Variants in GUF1 observed in about 807,000 individuals in gnomAD.
GUF1 encodes the protein translation factor GUF1, mitochondrial.
Under a neutral mutation model 82.4 loss-of-function variants are expected in GUF1, and 78 were observed. That is an observed-to-expected ratio of 0.95 (90% CI 0.79 to 1.14). The LOEUF (loss-of-function observed/expected upper bound fraction) is 1.14, where lower values mean the gene tolerates loss of function less well. GUF1 is among the 50% of genes most tolerant of loss of function. The pLI is 0.00. For synonymous variants in GUF1, 279 were observed against 282.3 expected (o/e 0.99, Z 0.12); for missense variants, 814 against 798.2 (o/e 1.02, Z -0.24).
intron 15 of GUF1, among the ~76,000 whole-genome samples, chr4:44,696,300 C>T (rs1405283069): frequency 4.6e-5 from 7 of 152,056 alleles, no homozygotes; most frequent in Non-Finnish European, 1.0e-4. Flanking sequence ...AAATGTAATA[C>T]ATAAATCAGA....
Position 44,699,526 on chromosome 4 carries a change from A to T in GUF1, c.*845A>T, listed in dbSNP as rs1716083442. ...CAATTTCCATGAATCTCAACAAGTGAGGACCTGCTATATTTTGTTGCATGC... is the reference window on the plus strand; with the variant it reads ...CAATTTCCATGAATCTCAACAAGTGTGGACCTGCTATATTTTGTTGCATGC... On this transcript the variant is annotated 3_prime_UTR_variant, in exon 17 of 17. Transcript: ENST00000281543. 1 of 152,214 alleles carries T rather than the reference A, an allele frequency of 6.6e-6. No individual in the cohort carries two copies. The highest frequency in any genetic ancestry group is 1.5e-5 in the Non-Finnish European group (1 of 68,056). The allele number at this position is 152,214 out of a possible 1,614,324, so 9.4% of individuals were successfully genotyped here. A position where few individuals can be genotyped will look rare whatever the true frequency, so the allele number is the denominator to read the frequency against.
rs976143386 is a variant in GUF1 at position 44,678,422 on chromosome 4, A to T, written c.-201A>T. 6.3e-6 allele frequency: 3 copies of T among 477,450 alleles called. No homozygotes were observed. Among genetic ancestry groups the T allele is most frequent in the Non-Finnish European group, 1.1e-5 (3 of 277,778 alleles). The allele number at this position is 477,450 out of a possible 1,614,324, so 29.6% of individuals were successfully genotyped here. A position where few individuals can be genotyped will look rare whatever the true frequency, so the allele number is the denominator to read the frequency against. ...TGTCACGACAGCGTGCGGCGTGCAGACGTCGGCAAGCTGCGCCGCCGCTTC... is the reference window on the plus strand; with the variant it reads ...TGTCACGACAGCGTGCGGCGTGCAGTCGTCGGCAAGCTGCGCCGCCGCTTC... On this transcript the variant is annotated 5_prime_UTR_variant, in exon 1 of 17. Coordinates refer to ENST00000281543, the MANE Select transcript of GUF1 (RefSeq NM_021927.3).
In GUF1 at chr4:44,700,410, T is replaced by C. The variant is rs1716149238; in HGVS notation, c.*1729T>C. On this transcript the variant is annotated 3_prime_UTR_variant, in exon 17 of 17. Transcript: ENST00000281543. ...CCTCTACTCTCCTCTCACATGTAAA[T>C]TGTATATTCAGTGAAAGGCTAATCA... 1 of 152,282 alleles carries C rather than the reference T, an allele frequency of 6.6e-6. No homozygotes were observed. The highest frequency in any genetic ancestry group is 2.4e-5 in the African/African-American group (1 of 41,564). 9.4% of individuals were successfully genotyped at this position (152,282 alleles called of 1,614,324 possible).
At chr4:44,696,857 T>A (rs1715858618) in intron 15 of GUF1, among the ~76,000 whole-genome samples, 1 of 152,174 alleles carries the variant, frequency 6.6e-6, no homozygotes, top group African/African-American at 2.4e-5. Context: ...AAAATTGGTT[T>A]TTCTGTCTTA....
In GUF1 at chr4:44,689,980, TTGGTATTTAGTAC is replaced by T. The variant is rs751306945; in HGVS notation, c.1335+21_1335+33del. ...TCATCATCAAAATTGATAAAGGTAC[TTGGTATTTAGTAC>T]TGGTATTTAGTACTGTTTTGCATTA... On this transcript the variant is annotated splice_donor_region_variant and intron_variant, in intron 11 of 16. Coordinates refer to ENST00000281543, the MANE Select transcript of GUF1 (RefSeq NM_021927.3). 5.9e-5 allele frequency: 93 copies of T among 1,568,694 alleles called. No individual in the cohort carries two copies. Among genetic ancestry groups the T allele is most frequent in the Non-Finnish European group, 7.3e-5 (84 of 1,152,348 alleles).
intron 13 of GUF1, among the ~76,000 whole-genome samples, chr4:44,693,030 C>T (rs1431762707): frequency 6.6e-6 from 1 of 151,906 alleles, no homozygotes; most frequent in Non-Finnish European, 1.5e-5. Flanking sequence ...TTTTGAACTA[C>T]ATAAAAATAA....
At chr4:44,681,419 G>C (rs753080894) in intron 4 of GUF1, among the ~76,000 whole-genome samples, 4 of 151,934 alleles carry the variant, frequency 2.6e-5, no homozygotes, top group Non-Finnish European at 5.9e-5. Context: ...AATTGGAATT[G>C]TTCAAAAGAT....
chr4:44,690,978 CATATATATATCTGTCT>C, intron 12 of GUF1, 118 bp downstream of exon 12: 1 of 612,150 alleles, frequency 1.6e-6, no homozygotes. Context: ...ATGAGATTTT[CATATATATATCTGTCT>C]ATATCTATAC....
chr4:44,679,630 T>C (rs186470495), intron 1 of GUF1, among the ~76,000 whole-genome samples: 11 of 152,308 alleles, frequency 7.2e-5, no homozygotes, highest in South Asian at 2.1e-4. Flanking sequence ...TAGTTTTTTT[T>C]CGGCAGACTT....
intron 1 of GUF1, among the ~76,000 whole-genome samples, chr4:44,679,013 A>G (rs1021750693): frequency 2.6e-5 from 4 of 152,118 alleles, no homozygotes; most frequent in African/African-American, 9.7e-5. Context: ...TCTCATTTTC[A>G]ATGTCAAATG....
chr4:44,687,863 A>C (rs941636271), intron 8 of GUF1, 144 bp from the exon 9 acceptor site: 2 of 631,906 alleles, frequency 3.2e-6, no homozygotes, highest in Non-Finnish European at 5.3e-6. Flanking sequence ...TCAGAGTTTG[A>C]TAATTGATAT....
rs1260978644 is a variant in GUF1, at chr4:44,682,389, C to T, written c.563C>T (p.Ser188Leu). The T allele has an allele frequency of 7.2e-6, 11 of 1,526,866 alleles. No individual in the cohort carries two copies. Among genetic ancestry groups the T allele is most frequent in the South Asian group, 3.9e-5 (3 of 77,238 alleles). 94.6% of individuals were successfully genotyped at this position (1,526,866 alleles called of 1,614,324 possible). Residue 188 changes from serine (S) to leucine (L), a missense_variant, in exon 5 of 17, where the codon TCG becomes TTG. Transcript: ENST00000281543. ...TTTCTTGCCTTCGAAGCACAGCTAT[C>T]GGTAATTCCAGTTATAAATAAGGTA... The part of the protein sequence containing the change: ...NFFLAFEAQL[S>L]VIPVINKIDL...
In GUF1 at chr4:44,691,683, G is replaced by T; in HGVS notation, c.1497G>T (p.Gln499His). Reference protein sequence around the residue: ...MMLCEARRAVQKNMIFIDQNR... With the variant: ...MMLCEARRAVHKNMIFIDQNR... The stretch of plus-strand genomic sequence containing the variant: ...CTTTTTAGGCTCGAAGAGCAGTTCA[G>T]AAGAATATGATATTTATTGATCAAA... The change falls in exon 13 of 17, where the codon CAG (glutamine) becomes CAT (histidine). Residue 499 changes from glutamine (Q) to histidine (H), a missense_variant. Physicochemically the swap from Gln to His is conservative, Grantham distance 24. Coordinates refer to ENST00000281543, the MANE Select transcript of GUF1 (RefSeq NM_021927.3). 2 of 1,591,576 alleles carry T rather than the reference G, an allele frequency of 1.3e-6. No individual in the cohort carries two copies. The highest frequency in any genetic ancestry group is 1.7e-6 in the Non-Finnish European group (2 of 1,167,366).
chr4:44,688,034 T>A lies in GUF1; in HGVS notation c.966T>A (p.Ile322=). The change falls in exon 9 of 17, where the codon ATT becomes ATA. Residue 322 remains isoleucine, a synonymous_variant. Transcript: ENST00000281543. ...ATGCAGGACAGGTGGGCTATCTGAT[T>A]GCTGGGATGAAAGATGTCACTGAAG... is the stretch of plus-strand genomic sequence containing the variant. ...KLYAGQVGYL[I]AGMKDVTEAQ... is the part of the protein sequence containing the mutation. 6.2e-7 allele frequency: 1 copy of A among 1,612,218 alleles called. No homozygotes were observed. The highest frequency in any genetic ancestry group is 8.5e-7 in the Non-Finnish European group (1 of 1,178,644).
intron 9 of GUF1, 91 bp downstream of exon 9, chr4:44,688,237 G>T: frequency 7.9e-7 from 1 of 1,266,282 alleles, no homozygotes; most frequent in Non-Finnish European, 1.1e-6. Context: ...ACACATTCTG[G>T]TTATTTTAAA....
Position 44,678,482 on chromosome 4 carries a change from C to T in GUF1, c.-141C>T. On this transcript the variant is annotated 5_prime_UTR_variant, in exon 1 of 17. Transcript: ENST00000281543. The stretch of plus-strand genomic sequence containing the variant: ...CCGGATCTGGTACTTGGGCAGAGCT[C>T]CCCGGGGTTCATTGTCTTCGCTTCA... 4.5e-6 allele frequency: 3 copies of T among 669,024 alleles called. No homozygotes were observed. The highest frequency in any genetic ancestry group is 4.4e-6 in the Non-Finnish European group (2 of 452,722). 41.4% of individuals were successfully genotyped at this position (669,024 alleles called of 1,614,324 possible).
In GUF1 at chr4:44,698,606, G is replaced by A; in HGVS notation, c.1935G>A (p.Lys645=). 6.2e-7 allele frequency: 1 copy of A among 1,610,792 alleles called. No homozygotes were observed. The highest frequency in any genetic ancestry group is 2.2e-5 in the East Asian group (1 of 44,734). ...AGAGACAAGCAGAAGGGAAAAAAAAGCTGAGGAAAATTGGCAACGTTGAAG... is the reference window on the plus strand; with the variant it reads ...AGAGACAAGCAGAAGGGAAAAAAAAACTGAGGAAAATTGGCAACGTTGAAG... ...LLKRQAEGKK[K]LRKIGNVEVP... Residue 645 remains lysine (K), a synonymous_variant, in exon 17 of 17, where the codon AAG becomes AAA. Coordinates refer to ENST00000281543, the MANE Select transcript of GUF1 (RefSeq NM_021927.3).
At chr4:44,698,365 A>G (rs1715978656) in intron 16 of GUF1, among the ~76,000 whole-genome samples, 179 bp from the exon 17 acceptor site, 1 of 151,968 alleles carries the variant, frequency 6.6e-6, no homozygotes. Flanking sequence ...TCCAGATTAA[A>G]TCCTGTATCA....
At position 44,689,869 on chromosome 4, in the gene GUF1, TG is replaced by T. The variant is rs750603738; in HGVS notation, c.1231del (p.Glu411LysfsTer17). 1.0e-5 allele frequency: 16 copies of T among 1,605,376 alleles called. No individual in the cohort carries two copies. The South Asian group carries it at 1.1e-4, about 11-fold the overall frequency. On this transcript the variant is annotated frameshift_variant, in exon 11 of 17. Transcript: ENST00000281543. LOFTEE classifies it high-confidence loss of function. ...WRLGFLGLLH[M>X]EVFNQRLEQE... is the part of the protein sequence containing the mutation. ...CTAGGATTTCTTGGACTTTTGCACA[TG>T]GAAGTTTTCAACCAGCGACTGGAGC...
Sources: allele counts gnomAD v4.1 joint callset (sites outside exome capture counted in the v4.1 genomes callset), GRCh38; gene constraint gnomAD v4.1.1; transcripts MANE v1.5; gene names NCBI Gene and HGNC (gene_info 2026-07-23, HGNC 2026-07-21).